Variants in PHF3 observed in about 807,000 individuals in gnomAD.
PHF3 encodes PHD finger protein 3.
PHF3 carries 41 observed loss-of-function variants against 178.4 expected under a neutral mutation model. The observed-to-expected ratio is 0.23, with a 90% CI of 0.18 to 0.30. The LOEUF (loss-of-function observed/expected upper bound fraction) is 0.30, where lower values mean the gene tolerates loss of function less well. Among genes scored for constraint, PHF3 ranks in the 10% least tolerant of loss-of-function variants. PHF3 has a pLI of 1.00. For synonymous variants in PHF3, 842 were observed against 800.5 expected (o/e 1.05, Z -0.88); for missense variants, 2,346 against 2,398.1 (o/e 0.98, Z 0.45).
chr6:63,670,202 C>T (rs1765851964), intron 2 of PHF3, among the ~76,000 whole-genome samples: 1 of 152,118 alleles, frequency 6.6e-6, no homozygotes, highest in Non-Finnish European at 1.5e-5. Flanking sequence ...AAACTGTCAT[C>T]CTAATTCTGA....
intron 1 of PHF3, among the ~76,000 whole-genome samples, chr6:63,643,968 A>G (rs1247156925): frequency 6.6e-6 from 1 of 152,218 alleles, no homozygotes; most frequent in African/African-American, 2.4e-5. Flanking sequence ...CAGTATAGCT[A>G]TGGGATCTTG....
rs115820073 is a variant in PHF3 at position 63,724,799 on chromosome 6, G to A, written c.*11091G>A. On this transcript the variant is annotated 3_prime_UTR_variant, in exon 16 of 16. Transcript: ENST00000262043. ...TAATTTAGAATTTGGTTTTCAATAT[G>A]TGAAAACCACATTGGCTGCTTTTAT... Among the ~76,000 whole-genome samples, 1,067 of 152,196 alleles carry A rather than the reference G, an allele frequency of 7.0e-3. 15 individuals are homozygous for A. Among genetic ancestry groups the A allele is most frequent in the South Asian group, 0.024 (115 of 4,824 alleles).
intron 2 of PHF3, among the ~76,000 whole-genome samples, chr6:63,667,732 G>A (rs1765740924): frequency 6.6e-6 from 1 of 152,138 alleles, no homozygotes. Context: ...GATACATTTT[G>A]AACAGGTAAG....
rs1357540567 is a variant in PHF3, at chr6:63,684,369, C to T, written c.647C>T (p.Ser216Phe). The T allele has an allele frequency of 1.2e-6, 2 of 1,613,792 alleles. No homozygotes were observed. The highest frequency in any genetic ancestry group is 2.7e-5 in the African/African-American group (2 of 74,910). Residue 216 changes from serine to phenylalanine, a missense_variant, in exon 4 of 16, where the codon TCT (serine) becomes TTT (phenylalanine). By Grantham distance (155) the Ser-to-Phe change is radical (BLOSUM62 -2). Coordinates refer to ENST00000262043, the MANE Select transcript of PHF3 (RefSeq NM_001370348.2). ...QIEVVPEVSVSSSHSSVSSCL... is the reference protein window; with the variant it reads ...QIEVVPEVSVFSSHSSVSSCL... ...GAAGTGGTACCTGAAGTATCAGTGTCTTCAAGTCATTCTTCAGTGTCATCT... is the reference window on the plus strand; with the variant it reads ...GAAGTGGTACCTGAAGTATCAGTGTTTTCAAGTCATTCTTCAGTGTCATCT...
intron 2 of PHF3, among the ~76,000 whole-genome samples, chr6:63,649,190 G>A (rs1373632689): frequency 6.6e-6 from 1 of 151,198 alleles, no homozygotes; most frequent in African/African-American, 2.4e-5. Context: ...GCTATCCTCC[G>A]GCCTATGTCT....
At chr6:63,669,878 A>AT (rs1471290022) in intron 2 of PHF3, among the ~76,000 whole-genome samples, 1 of 152,164 alleles carries the variant, frequency 6.6e-6, no homozygotes, top group Non-Finnish European at 1.5e-5. Flanking sequence ...TTTTTTTCTC[A>AT]TTAAGTTATG....
Position 63,719,145 on chromosome 6 carries a change from ATGGTGTTGACATTCTTAACTC to A in PHF3, c.*5442_*5462del, listed in dbSNP as rs1768278770. Among the ~76,000 whole-genome samples, 1 of 152,038 alleles carries A rather than the reference ATGGTGTTGACATTCTTAACTC, an allele frequency of 6.6e-6. No homozygotes were observed. Among genetic ancestry groups the A allele is most frequent in the African/African-American group, 2.4e-5 (1 of 41,450 alleles). On this transcript the variant is annotated 3_prime_UTR_variant, in exon 16 of 16. Transcript: ENST00000262043. ...TTTGGAAACATTTGTGCCCTGTCAA[ATGGTGTTGACATTCTTAACTC>A]TGGTCGTAGGTCCTTTTAGGAATGT...
intron 6 of PHF3, 131 bp downstream of exon 6, chr6:63,694,895 C>T: frequency 4.5e-6 from 2 of 445,070 alleles, no homozygotes; most frequent in Non-Finnish European, 7.1e-6. Context: ...TAAGGCAATA[C>T]AAATGGGTTA....
rs993643600 is a variant in PHF3, at chr6:63,716,511, T to A, written c.*2803T>A. Among the ~76,000 whole-genome samples the A allele has an allele frequency of 6.6e-6, 1 of 152,062 alleles. No individual in the cohort carries two copies. Among genetic ancestry groups the A allele is most frequent in the Non-Finnish European group, 1.5e-5 (1 of 67,980 alleles). On this transcript the variant is annotated 3_prime_UTR_variant, in exon 16 of 16. Coordinates refer to ENST00000262043, the MANE Select transcript of PHF3 (RefSeq NM_001370348.2). ...CACAAATCCTAATTCTCTATTCCTG[T>A]TTTCTATTGCTGTTGTGATGAATTA...
chr6:63,657,341 T>A (rs539651903), intron 2 of PHF3, among the ~76,000 whole-genome samples: 73 of 152,354 alleles, frequency 4.8e-4, no homozygotes, highest in African/African-American at 1.6e-3. Context: ...CCCCATTCTT[T>A]GCATTCAGAA....
At chr6:63,664,369 G>T (rs1366777167) in intron 2 of PHF3, among the ~76,000 whole-genome samples, 1 of 152,162 alleles carries the variant, frequency 6.6e-6, no homozygotes, top group Non-Finnish European at 1.5e-5. Flanking sequence ...TTTAGAGGGA[G>T]ATTCAATTCT....
chr6:63,686,144 C>A (rs1766693408), intron 4 of PHF3: 1 of 483,252 alleles, frequency 2.1e-6, no homozygotes, highest in African/African-American at 2.0e-5. Flanking sequence ...AGCTGACATA[C>A]ATGGAAATAT....
chr6:63,657,646 C>CT (rs1765295130), intron 2 of PHF3, among the ~76,000 whole-genome samples: 1 of 152,204 alleles, frequency 6.6e-6, no homozygotes, highest in Non-Finnish European at 1.5e-5. Context: ...GGGCTAGTGG[C>CT]TAGTCTTGCT....
chr6:63,663,509 C>T (rs1011162460), intron 2 of PHF3, among the ~76,000 whole-genome samples: 2 of 152,190 alleles, frequency 1.3e-5, no homozygotes, highest in Non-Finnish European at 2.9e-5. Flanking sequence ...TTCTCATTTC[C>T]TCAGCCTCCT....
intron 2 of PHF3, 29 bp from the exon 3 acceptor site, chr6:63,679,971 A>T (rs1766354703): frequency 1.3e-6 from 2 of 1,588,822 alleles, no homozygotes; most frequent in Admixed American, 1.7e-5. Flanking sequence ...ATATTTTTAA[A>T]AGTTAATTTT....
intron 2 of PHF3, among the ~76,000 whole-genome samples, chr6:63,674,610 A>T (rs994017371): frequency 3.3e-5 from 5 of 151,986 alleles, no homozygotes; most frequent in Non-Finnish European, 7.4e-5. Context: ...GAGACTGGTG[A>T]TCTCCTGCGA....
intron 6 of PHF3, among the ~76,000 whole-genome samples, 157 bp from the exon 7 acceptor site, chr6:63,698,066 A>G (rs1018375208): frequency 2.6e-5 from 4 of 152,208 alleles, no homozygotes; most frequent in Non-Finnish European, 5.9e-5. Flanking sequence ...CATTTTAATT[A>G]GGATTTCAGT....
In PHF3 at chr6:63,715,088, T is replaced by A. The variant is rs1344350955; in HGVS notation, c.*1380T>A. On this transcript the variant is annotated 3_prime_UTR_variant, in exon 16 of 16. Coordinates refer to ENST00000262043, the MANE Select transcript of PHF3 (RefSeq NM_001370348.2). ...TAAATAATTCCACAAAATTGATTGT[T>A]TTCCTAAAGAGCTTAAAGATTAGAG... The A allele has an allele frequency of 2.0e-5, 3 of 152,142 alleles. No homozygotes were observed. Among genetic ancestry groups the A allele is most frequent in the African/African-American group, 7.2e-5 (3 of 41,460 alleles). 9.4% of individuals were successfully genotyped at this position (152,142 alleles called of 1,614,324 possible).
In PHF3 at chr6:63,715,814, A is replaced by G. The variant is rs1020392395; in HGVS notation, c.*2106A>G. Among the ~76,000 whole-genome samples the G allele has an allele frequency of 6.6e-6, 1 of 152,092 alleles. No homozygotes were observed. Among genetic ancestry groups the G allele is most frequent in the African/African-American group, 2.4e-5 (1 of 41,420 alleles). On this transcript the variant is annotated 3_prime_UTR_variant, in exon 16 of 16. Coordinates refer to ENST00000262043, the MANE Select transcript of PHF3 (RefSeq NM_001370348.2). ...TTTGAGGTTTTCCTTTTGAGGAAAA[A>G]AAGGGAAAATGAGCAGATTTTTCAA...
Sources: allele counts gnomAD v4.1 joint callset (sites outside exome capture counted in the v4.1 genomes callset), GRCh38; gene constraint gnomAD v4.1.1; transcripts MANE v1.5; gene names NCBI Gene and HGNC (gene_info 2026-07-23, HGNC 2026-07-21).